AJAP1: variants seen among roughly 807,000 people sequenced by gnomAD.
AJAP1 encodes the protein adherens junction-associated protein 1.
In AJAP1, 5 loss-of-function variants were observed where a neutral mutation model predicts 35.0. That is an observed-to-expected ratio of 0.14 (90% CI 0.07 to 0.30). AJAP1 has a LOEUF of 0.30. AJAP1 is among the 10% of genes least tolerant of loss of function. The pLI, the probability that AJAP1 is intolerant of heterozygous loss-of-function variation, is 1.00. For missense variants in AJAP1, 586 were observed against 571.0 expected (o/e 1.03, Z -0.27); for synonymous variants, 284 against 249.3 (o/e 1.14, Z -1.31).
At chr1:4,712,812 G>A in intron 2 of AJAP1, 113 bp downstream of exon 2, 2 of 1,162,834 alleles carry the variant, frequency 1.7e-6, no homozygotes, top group Non-Finnish European at 2.4e-6. Context: ...GGCTCCAGGA[G>A]ATGCAGGCGT....
chr1:4,760,205 ATG>A (rs1641531929), intron 2 of AJAP1, among the ~76,000 whole-genome samples: 1 of 150,674 alleles, frequency 6.6e-6, no homozygotes, highest in African/African-American at 2.4e-5. Context: ...GTGTGTGTGC[ATG>A]TGTGTGTGAA....
intron 5 of AJAP1, among the ~76,000 whole-genome samples, chr1:4,777,993 G>A (rs762393548): frequency 2.0e-5 from 3 of 152,176 alleles, no homozygotes; most frequent in Non-Finnish European, 4.4e-5. Context: ...CTGCCCCGGG[G>A]ACACCTGGCG....
chr1:4,771,887 C>T (rs1641842896), intron 3 of AJAP1, among the ~76,000 whole-genome samples: 1 of 152,094 alleles, frequency 6.6e-6, no homozygotes, highest in Non-Finnish European at 1.5e-5. Context: ...AAGGCTCCCA[C>T]ACACTCTAGG....
At chr1:4,747,252 T>C (rs1385572170) in intron 2 of AJAP1, among the ~76,000 whole-genome samples, 1 of 152,130 alleles carries the variant, frequency 6.6e-6, no homozygotes. Flanking sequence ...GGCTGCACTC[T>C]GGCCCTCTCC....
chr1:4,767,995 T>C (rs1050896242), intron 2 of AJAP1, among the ~76,000 whole-genome samples: 1 of 152,216 alleles, frequency 6.6e-6, no homozygotes, highest in Non-Finnish European at 1.5e-5. Flanking sequence ...AGACACTCCA[T>C]TGTTGGTGGG....
chr1:4,672,084 TGTAAA>T (rs1286658280), intron 1 of AJAP1, among the ~76,000 whole-genome samples: 2 of 152,140 alleles, frequency 1.3e-5, no homozygotes, highest in Admixed American at 6.5e-5. Flanking sequence ...AACACACACA[TGTAAA>T]GTAAGGAGGC....
rs1277307853 is a variant in AJAP1 at position 4,791,826 on chromosome 1, CA to C, written c.*9344del. The C allele has an allele frequency of 6.6e-6, 1 of 152,112 alleles. No individual in the cohort carries two copies. The highest frequency in any genetic ancestry group is 1.5e-5 in the Non-Finnish European group (1 of 68,028). The allele number at this position is 152,112 out of a possible 1,614,324, so 9.4% of individuals were successfully genotyped here. On this transcript the variant is annotated 3_prime_UTR_variant, in exon 6 of 6. Coordinates refer to ENST00000378191, the MANE Select transcript of AJAP1 (RefSeq NM_018836.4). The stretch of plus-strand genomic sequence containing the variant: ...TCCGTGTGGATGCTCCTAGTGCGTT[CA>C]AATAACCCTTGAATTCACCAGGTCT...
intron 1 of AJAP1, among the ~76,000 whole-genome samples, chr1:4,702,833 AGAGCAG>A (rs547977068): frequency 2.8e-4 from 42 of 152,292 alleles, no homozygotes; most frequent in African/African-American, 1.0e-3. Flanking sequence ...CCTTGACCTC[AGAGCAG>A]GAGCTAGACC....
chr1:4,705,725 C>T (rs1640088021), intron 1 of AJAP1, among the ~76,000 whole-genome samples: 1 of 152,116 alleles, frequency 6.6e-6, no homozygotes, highest in Non-Finnish European at 1.5e-5. Context: ...TCTATGCAAT[C>T]CCTGACCAGT....
chr1:4,676,184 C>T (rs960803773), intron 1 of AJAP1, among the ~76,000 whole-genome samples: 12 of 152,114 alleles, frequency 7.9e-5, no homozygotes, highest in Admixed American at 2.0e-4. Flanking sequence ...CTTGCCTCCT[C>T]GTGTCATTTT....
chr1:4,745,662 GCCT>G (rs1641171353), intron 2 of AJAP1, among the ~76,000 whole-genome samples: 1 of 152,190 alleles, frequency 6.6e-6, no homozygotes, highest in African/African-American at 2.4e-5. Flanking sequence ...GAGATGAAAG[GCCT>G]CCTCCAAGAG....
Position 4,734,040 on chromosome 1 carries a change from C to A in AJAP1, c.829+21341C>A, listed in dbSNP as rs1469616136. Among the ~76,000 whole-genome samples, 2 of 152,168 alleles carry A rather than the reference C, an allele frequency of 1.3e-5. No individual in the cohort carries two copies. Among genetic ancestry groups the A allele is most frequent in the South Asian group, 2.1e-4 (1 of 4,832 alleles). ...AGCTCCAATTAGCGGCTTTTGTAAGCGATCACGTACCGAGTATTGACTTGG... is the reference window on the plus strand; with the variant it reads ...AGCTCCAATTAGCGGCTTTTGTAAGAGATCACGTACCGAGTATTGACTTGG... On this transcript the variant is annotated intron_variant, in intron 2 of 5. Transcript: ENST00000378191. The surrounding 1 kb of genome is among the most constrained non-coding windows in gnomAD (Gnocchi z 4.3).
intron 2 of AJAP1, among the ~76,000 whole-genome samples, chr1:4,751,875 T>C (rs1241397008): frequency 6.6e-6 from 1 of 152,194 alleles, no homozygotes; most frequent in Non-Finnish European, 1.5e-5. Context: ...GGAACAGAAG[T>C]TGAGTTCACA....
chr1:4,710,901 C>A (rs1001611884), intron 1 of AJAP1, among the ~76,000 whole-genome samples: 3 of 152,206 alleles, frequency 2.0e-5, no homozygotes, highest in Non-Finnish European at 4.4e-5. Flanking sequence ...GACAAAGCCG[C>A]TCCATGTGAA....
rs971379715 is a variant in AJAP1 at position 4,784,884 on chromosome 1, G to C, written c.*2399G>C. 6.6e-6 allele frequency: 1 copy of C among 152,360 alleles called. No individual in the cohort carries two copies. The highest frequency in any genetic ancestry group is 1.5e-5 in the Non-Finnish European group (1 of 68,154). The allele number at this position is 152,360 out of a possible 1,614,324, so 9.4% of individuals were successfully genotyped here. A position where few individuals can be genotyped will look rare whatever the true frequency, so the allele number is the denominator to read the frequency against. Reference sequence around the variant, plus strand: ...CATTCTCCTTCAATCACTCCCTCCCGCTGAGGTGGGCCTCCTGACTCCAGG... The same window carrying C: ...CATTCTCCTTCAATCACTCCCTCCCCCTGAGGTGGGCCTCCTGACTCCAGG... On this transcript the variant is annotated 3_prime_UTR_variant, in exon 6 of 6. Transcript: ENST00000378191.
chr1:4,691,675 C>T (rs1010632146), intron 1 of AJAP1, among the ~76,000 whole-genome samples: 4 of 152,120 alleles, frequency 2.6e-5, no homozygotes, highest in Non-Finnish European at 5.9e-5. Context: ...CCGCTGACTC[C>T]AGGAGTCAGG....
At chr1:4,668,757 G>A (rs6703802) in intron 1 of AJAP1, among the ~76,000 whole-genome samples, 110,705 of 152,112 alleles carry the variant, frequency 0.73, 40,776 homozygotes, top group Non-Finnish European at 0.78. Flanking sequence ...CCTGGGAGAC[G>A]GGGCACATCC....
At chr1:4,778,571 ATCTCTCTC>A (rs141390632) in intron 5 of AJAP1, among the ~76,000 whole-genome samples, 25,689 of 142,582 alleles carry the variant, frequency 0.18, 2,505 homozygotes, top group Admixed American at 0.25. Context: ...GATTGGCGCC[ATCTCTCTC>A]TCTCTCTCTC....
At chr1:4,739,643 G>A (rs1221863667) in intron 2 of AJAP1, among the ~76,000 whole-genome samples, 3 of 152,186 alleles carry the variant, frequency 2.0e-5, no homozygotes, top group African/African-American at 7.2e-5. Context: ...GCACAGAAAT[G>A]ACCCTTGGAG....
Sources: allele counts gnomAD v4.1 joint callset (sites outside exome capture counted in the v4.1 genomes callset), GRCh38; gene constraint gnomAD v4.1.1; non-coding constraint Gnocchi (gnomAD v3.1); transcripts MANE v1.5; gene names NCBI Gene and HGNC (gene_info 2026-07-23, HGNC 2026-07-21).